The following WFDC3 variants were observed in gnomAD, a reference collection of about 807,000 sequenced individuals.
WFDC3 encodes the protein WAP four-disulfide core domain 3, also known as WAP four-disulfide core domain protein 3.
WFDC3 carries 15 observed loss-of-function variants against 25.8 expected under a neutral mutation model. The observed-to-expected ratio is 0.58, with a 90% CI of 0.39 to 0.89. The LOEUF is 0.89. WFDC3 is among the 40% of genes least tolerant of loss of function. The probability of loss-of-function intolerance (pLI) is 0.00; values close to 1 mark genes in which losing one functional copy is unlikely to be tolerated. For missense variants in WFDC3, 264 were observed against 289.8 expected, an observed-to-expected ratio of 0.91 and a Z score of 0.65; for synonymous variants, 103 against 107.1, an observed-to-expected ratio of 0.96 and a Z score of 0.24.
At chr20:45,782,267 G>A (rs2145685650) in intron 4 of WFDC3, among the ~76,000 whole-genome samples, 1 of 152,286 alleles carries the variant, frequency 6.6e-6, no homozygotes. Flanking sequence ...AATGCCTGCA[G>A]CCACTTACTT....
Position 45,789,016 on chromosome 20 carries a change from C to T in WFDC3, c.126G>A (p.Glu42=), listed in dbSNP as rs780573751. The T allele has an allele frequency of 6.2e-7, 1 of 1,613,706 alleles. No individual in the cohort carries two copies. Among genetic ancestry groups the T allele is most frequent in the Non-Finnish European group, 8.5e-7 (1 of 1,179,922 alleles). Residue 42 remains glutamate, a synonymous_variant, in exon 3 of 7, where the codon GAG becomes GAA. Transcript: ENST00000243938. ...ECPPHKNPCK[E]LCQGDELCPA... ...GACACAATTCATCACCCTGGCACAG[C>T]TCTTTGCATGGGTTCTTATGGGGAG...
intron 4 of WFDC3, among the ~76,000 whole-genome samples, chr20:45,784,273 T>C (rs1470759340): frequency 6.6e-6 from 1 of 152,182 alleles, no homozygotes; most frequent in African/African-American, 2.4e-5. Context: ...CTGCCCAAGA[T>C]AGCTGCCTAA....
rs930917519 is a variant in WFDC3, at chr20:45,787,293, T to C, written c.358+543A>G. ...TGGTTTTCTTTTTTCTTTTTTTTTT[T>C]TTTTTTTTTTTTTTTGAGACAGAGT... On this transcript the variant is annotated intron_variant, in intron 4 of 6. Coordinates refer to ENST00000243938, the MANE Select transcript of WFDC3 (RefSeq NM_080614.2). 8.1e-4 allele frequency among the ~76,000 whole-genome samples: 96 copies of C among 117,960 alleles called. No individual in the cohort carries two copies. The East Asian group carries it at 0.021, about 26-fold the overall frequency. 77.4% of individuals were successfully genotyped at this position (117,960 alleles called of 152,430 possible). A position where few individuals can be genotyped will look rare whatever the true frequency, so the allele number is the denominator to read the frequency against.
chr20:45,781,102 A>T (rs1382555860), intron 4 of WFDC3, among the ~76,000 whole-genome samples: 1 of 151,006 alleles, frequency 6.6e-6, no homozygotes, highest in Non-Finnish European at 1.5e-5. Flanking sequence ...AAAAAAAAAA[A>T]GCCGGGTGTG....
chr20:45,780,848 GAGAGAC>G (rs1980410369), intron 4 of WFDC3, among the ~76,000 whole-genome samples: 1 of 150,790 alleles, frequency 6.6e-6, no homozygotes, highest in Non-Finnish European at 1.5e-5. Flanking sequence ...CTTGTAAATA[GAGAGAC>G]AGACAACTAG....
intron 4 of WFDC3, among the ~76,000 whole-genome samples, chr20:45,781,914 C>T (rs1648232095): frequency 6.6e-6 from 1 of 152,224 alleles, no homozygotes; most frequent in Admixed American, 6.5e-5. Context: ...GAAGAGCGGT[C>T]TCAGGCTTGT....
Position 45,789,116 on chromosome 20 carries a change from T to G in WFDC3, c.83-57A>C. On this transcript the variant is annotated intron_variant, in intron 2 of 6. Transcript: ENST00000243938. ...CTAGCCAGGCCTCAGAAATGGGGAA[T>G]GGACCTTCAGCCCCTCCAGGCATCT... 4 of 1,601,868 alleles carry G rather than the reference T, an allele frequency of 2.5e-6. No homozygotes were observed. The South Asian group carries it at 4.5e-5, about 18-fold the overall frequency.
In WFDC3 at chr20:45,774,326, G is replaced by A; in HGVS notation, c.*102C>T. On this transcript the variant is annotated 3_prime_UTR_variant, in exon 7 of 7. Coordinates refer to ENST00000243938, the MANE Select transcript of WFDC3 (RefSeq NM_080614.2). ...GGAGAAGCAGAGCAGAGAGGGCCAT[G>A]AGTGCCCCTGGAAATGTCACAAGCC... 6.6e-7 allele frequency: 1 copy of A among 1,506,776 alleles called. No individual in the cohort carries two copies. The highest frequency in any genetic ancestry group is 1.1e-5 in the South Asian group (1 of 88,680). 93.3% of individuals were successfully genotyped at this position (1,506,776 alleles called of 1,614,324 possible).
At chr20:45,779,202 T>C (rs942496468) in intron 4 of WFDC3, among the ~76,000 whole-genome samples, 2 of 152,186 alleles carry the variant, frequency 1.3e-5, no homozygotes, top group Admixed American at 1.3e-4. Flanking sequence ...ACCAAACCAA[T>C]TCACCATGAC....
At chr20:45,783,978 G>A (rs999583119) in intron 4 of WFDC3, among the ~76,000 whole-genome samples, 3 of 152,124 alleles carry the variant, frequency 2.0e-5, no homozygotes, top group Non-Finnish European at 4.4e-5. Flanking sequence ...GGACATCTGC[G>A]GGAGATCACT....
intron 4 of WFDC3, among the ~76,000 whole-genome samples, chr20:45,786,225 C>T (rs1173396438): frequency 2.0e-5 from 3 of 152,052 alleles, no homozygotes; most frequent in Non-Finnish European, 4.4e-5. Flanking sequence ...CCCCATCTCT[C>T]CTAAAAATAC....
intron 2 of WFDC3, among the ~76,000 whole-genome samples, chr20:45,789,505 C>CAA (rs112440465): frequency 0.045 from 6,046 of 134,834 alleles, 167 homozygotes; most frequent in Non-Finnish European, 0.06. Context: ...GACTCCATCT[C>CAA]AAAAAAAAAA....
chr20:45,791,173 C>CTTTTTT lies in WFDC3; in HGVS notation c.-8+653_-8+658dup, dbSNP rs71181859. Among the ~76,000 whole-genome samples the CTTTTTT allele has an allele frequency of 8.4e-4, 54 of 63,914 alleles. 7 individuals are homozygous for CTTTTTT. The highest frequency in any genetic ancestry group is 2.6e-3 in the African/African-American group (46 of 17,468). The allele number at this position is 63,914 out of a possible 152,430, so 41.9% of individuals were successfully genotyped here. ...GATGACCTCATATGTGCCTAATATGCTTTTTTTTTTTTTTTTTTTTTTTTT... is the reference window on the plus strand; with the variant it reads ...GATGACCTCATATGTGCCTAATATGCTTTTTTTTTTTTTTTTTTTTTTTTTTTTTTT... On this transcript the variant is annotated intron_variant, in intron 1 of 6. Transcript: ENST00000243938.
In WFDC3 at chr20:45,777,223, G is replaced by A. The variant is rs768598400; in HGVS notation, c.359-14C>T. ...CACCAAACTCTGCTACATAATCAAA[G>A]CATTGGAGCCCAGAGACGCTCACAA... On this transcript the variant is annotated splice_polypyrimidine_tract_variant and intron_variant, in intron 4 of 6. Coordinates refer to ENST00000243938, the MANE Select transcript of WFDC3 (RefSeq NM_080614.2). 2 of 1,505,346 alleles carry A rather than the reference G, an allele frequency of 1.3e-6. No homozygotes were observed. The highest frequency in any genetic ancestry group is 2.8e-5 in the African/African-American group (2 of 70,306). 93.2% of individuals were successfully genotyped at this position (1,505,346 alleles called of 1,614,324 possible).
chr20:45,784,265 G>T (rs764849400), intron 4 of WFDC3, among the ~76,000 whole-genome samples: 7 of 152,228 alleles, frequency 4.6e-5, no homozygotes, highest in Non-Finnish European at 8.8e-5. Context: ...TGGGCAGGCT[G>T]CCCAAGATAG....
chr20:45,782,354 T>C (rs940508880), intron 4 of WFDC3, among the ~76,000 whole-genome samples: 5 of 152,056 alleles, frequency 3.3e-5, no homozygotes, highest in Admixed American at 1.3e-4. Flanking sequence ...TATTGGTTTT[T>C]TGGGGGCTTT....
rs531404287 is a variant in WFDC3 at position 45,783,977 on chromosome 20, C to A, written c.358+3859G>T. The stretch of plus-strand genomic sequence containing the variant: ...AGCCCAGCAGGCTCTGGGACATCTG[C>A]GGGAGATCACTATTCTAGCCTGCCT... On this transcript the variant is annotated intron_variant, in intron 4 of 6. Transcript: ENST00000243938. Among the ~76,000 whole-genome samples the A allele has an allele frequency of 2.6e-5, 4 of 152,264 alleles. No homozygotes were observed. In the East Asian group the frequency reaches 7.7e-4, roughly 29 times the overall value.
intron 1 of WFDC3, chr20:45,791,061 T>C (rs1980949384): frequency 2.5e-6 from 1 of 406,002 alleles, no homozygotes; most frequent in Non-Finnish European, 4.9e-6. Flanking sequence ...TAAAACCTCC[T>C]TAATAGGATC....
chr20:45,776,660 A>ATATATATG (rs762240715), intron 5 of WFDC3, among the ~76,000 whole-genome samples: 1 of 93,304 alleles, frequency 1.1e-5, no homozygotes, highest in South Asian at 4.0e-4. Context: ...ATATATATAT[A>ATATATATG]TGTGTGTGTG....
Sources: gnomAD v4.1 joint callset for allele counts (sites outside exome capture counted in the v4.1 genomes callset) on GRCh38, gnomAD v4.1.1 for gene constraint, MANE v1.5 for transcripts, NCBI Gene and HGNC (gene_info 2026-07-23, HGNC 2026-07-21) for gene names.